PRUNE2: variants seen among roughly 807,000 people sequenced by gnomAD.
The protein encoded by PRUNE2 is prune homolog 2 with BCH domain.
PRUNE2 carries 164 observed loss-of-function variants against 252.0 expected under a neutral mutation model. The observed-to-expected ratio is 0.65, with a 90% CI of 0.57 to 0.74. The LOEUF (loss-of-function observed/expected upper bound fraction) is 0.74, where lower values mean the gene tolerates loss of function less well. PRUNE2 is among the 30% of genes least tolerant of loss of function. PRUNE2 has a pLI of 0.00. For synonymous variants in PRUNE2, 1,292 were observed against 1,350.2 expected, an observed-to-expected ratio of 0.96 and a Z score of 0.94; for missense variants, 3,495 against 3,711.0, an observed-to-expected ratio of 0.94 and a Z score of 1.51.
intron 6 of PRUNE2, among the ~76,000 whole-genome samples, chr9:76,745,049 C>G (rs1200178887): frequency 6.6e-6 from 1 of 151,438 alleles, no homozygotes; most frequent in Non-Finnish European, 1.5e-5. Flanking sequence ...TTACACTTTC[C>G]AGCAAAGAGG....
At chr9:76,630,728 G>A (rs1374377452) in intron 15 of PRUNE2, among the ~76,000 whole-genome samples, 1 of 152,140 alleles carries the variant, frequency 6.6e-6, no homozygotes, top group Non-Finnish European at 1.5e-5. Context: ...GGGTTTCACT[G>A]TGTTAGCCAG....
chr9:76,816,027 T>A (rs1318544501), intron 6 of PRUNE2, among the ~76,000 whole-genome samples: 7 of 151,972 alleles, frequency 4.6e-5, no homozygotes, highest in Non-Finnish European at 1.0e-4. Flanking sequence ...CTGGTCGTGG[T>A]GGCGGGCACC....
chr9:76,695,791 AC>A (rs1474605898), intron 9 of PRUNE2, among the ~76,000 whole-genome samples: 1 of 152,126 alleles, frequency 6.6e-6, no homozygotes, highest in African/African-American at 2.4e-5. Flanking sequence ...CAACAGGGGT[AC>A]CGTGATGAAC....
rs1304537878 is a variant in PRUNE2, at chr9:76,709,535, A to G, written c.2739T>C (p.Tyr913=). The G allele has an allele frequency of 9.3e-6, 15 of 1,613,890 alleles. No homozygotes were observed. In the East Asian group the frequency reaches 2.0e-4, roughly 22 times the overall value. ...LVDPKTRGKV[Y]EKVDSWNLFE... ...AAAGGTTCCAGGAATCTACCTTTTC[A>G]TATACCTTGCCCCTAGTTTTAGGAT... The change falls in exon 8 of 19, where the codon TAT becomes TAC. Residue 913 remains tyrosine (Y), a synonymous_variant. Transcript: ENST00000376718.
intron 6 of PRUNE2, among the ~76,000 whole-genome samples, chr9:76,774,450 C>CTTTTTTTATTTATTTATTTATT (rs1564272256): frequency 0.029 from 1,212 of 41,176 alleles, 33 homozygotes; most frequent in Non-Finnish European, 0.036. Flanking sequence ...CAGTTCAACC[C>CTTTTTTTATTTATTTATTTATT]TTTTTTTTTT....
intron 6 of PRUNE2, among the ~76,000 whole-genome samples, chr9:76,799,687 C>T (rs1472752746): frequency 6.6e-6 from 1 of 152,158 alleles, no homozygotes; most frequent in African/African-American, 2.4e-5. Context: ...AAAATTTCTG[C>T]TCCAACAAGA....
chr9:76,753,778 C>T (rs1359181443), intron 6 of PRUNE2, among the ~76,000 whole-genome samples: 5 of 152,108 alleles, frequency 3.3e-5, no homozygotes, highest in South Asian at 2.1e-4. Flanking sequence ...ATTAGCTGGG[C>T]GTGGTGGCGG....
rs2058374766 is a variant in PRUNE2 at position 76,826,874 on chromosome 9, T to C, written c.509-142A>G. ...GGACCAGAGTCCTCCACACGTAACA[T>C]TCAAGAGCCAATTTTTAGAAAACAA... On this transcript the variant is annotated intron_variant, in intron 4 of 18. Coordinates refer to ENST00000376718, the MANE Select transcript of PRUNE2 (RefSeq NM_015225.3). 15 of 604,888 alleles carry C rather than the reference T, an allele frequency of 2.5e-5. No homozygotes were observed. The South Asian group carries it at 3.5e-4, about 14-fold the overall frequency. The allele number at this position is 604,888 out of a possible 1,614,324, so 37.5% of individuals were successfully genotyped here.
chr9:76,743,920 G>T (rs1588971219), intron 6 of PRUNE2, among the ~76,000 whole-genome samples: 1 of 152,224 alleles, frequency 6.6e-6, no homozygotes, highest in Middle Eastern at 3.4e-3. Context: ...AAACAAGCTA[G>T]CATTCTTTTT....
At chr9:76,788,108 T>C (rs555387906) in intron 6 of PRUNE2, among the ~76,000 whole-genome samples, 11 of 152,346 alleles carry the variant, frequency 7.2e-5, no homozygotes, top group African/African-American at 1.7e-4. Context: ...CCTGGTTTTC[T>C]AATATTTGTC....
At position 76,713,610 on chromosome 9, in the gene PRUNE2, T is replaced by G. The variant is rs1400282198; in HGVS notation, c.868A>C (p.Arg290=). 67 of 1,607,068 alleles carry G rather than the reference T, an allele frequency of 4.2e-5. No individual in the cohort carries two copies. Among genetic ancestry groups the G allele is most frequent in the Non-Finnish European group, 5.4e-5 (64 of 1,176,894 alleles). The change falls in exon 7 of 19, where the codon AGA becomes CGA. Residue 290 remains arginine (R), a synonymous_variant. Coordinates refer to ENST00000376718, the MANE Select transcript of PRUNE2 (RefSeq NM_015225.3). ...SSYLSEEQQP[R]RQIAVYSENM... ...TCTGAGTACACAGCAATCTGTCGTC[T>G]CGGCTGCTGCTCCTCTGACAGATAG...
chr9:76,796,651 A>T (rs970131619), intron 6 of PRUNE2, among the ~76,000 whole-genome samples: 3 of 152,222 alleles, frequency 2.0e-5, no homozygotes, highest in Admixed American at 1.3e-4. Context: ...GTATGTGTCA[A>T]CTTGACTGCC....
At chr9:76,791,893 G>A (rs1464396441) in intron 6 of PRUNE2, among the ~76,000 whole-genome samples, 1 of 152,174 alleles carries the variant, frequency 6.6e-6, no homozygotes, top group African/African-American at 2.4e-5. Context: ...GTGAGGCCTT[G>A]GGAGAGATGC....
At chr9:76,684,926 A>G (rs2043911699) in intron 9 of PRUNE2, among the ~76,000 whole-genome samples, 1 of 152,018 alleles carries the variant, frequency 6.6e-6, no homozygotes, top group Non-Finnish European at 1.5e-5. Context: ...TAATTTTTCT[A>G]TTTTTAGTAG....
At chr9:76,714,289 G>T (rs571960) in intron 6 of PRUNE2, among the ~76,000 whole-genome samples, 74,711 of 151,364 alleles carry the variant, frequency 0.49, 20,242 homozygotes, top group Middle Eastern at 0.69. Context: ...GTGGAGGAAT[G>T]AATAATTGCA....
At chr9:76,846,089 G>A (rs1020646382) in intron 4 of PRUNE2, among the ~76,000 whole-genome samples, 6 of 152,154 alleles carry the variant, frequency 3.9e-5, no homozygotes, top group Admixed American at 1.3e-4. Context: ...TGAAGGGTAC[G>A]TATTTTGCCA....
At chr9:76,858,963 G>A (rs2060410399) in intron 1 of PRUNE2, among the ~76,000 whole-genome samples, 1 of 152,044 alleles carries the variant, frequency 6.6e-6, no homozygotes, top group Non-Finnish European at 1.5e-5. Flanking sequence ...CTCCTAGGTT[G>A]GAGGGACCCA....
intron 7 of PRUNE2, among the ~76,000 whole-genome samples, chr9:76,712,776 C>T (rs1341411969): frequency 6.6e-6 from 1 of 152,094 alleles, no homozygotes; most frequent in Non-Finnish European, 1.5e-5. Flanking sequence ...GGAGGAGATG[C>T]TCTTTCACAT....
intron 9 of PRUNE2, among the ~76,000 whole-genome samples, chr9:76,686,749 C>A (rs1176847913): frequency 6.6e-6 from 1 of 152,106 alleles, no homozygotes; most frequent in African/African-American, 2.4e-5. Context: ...TGCCACCATG[C>A]CCAGCTAAGT....
Sources: allele counts gnomAD v4.1 joint callset (sites outside exome capture counted in the v4.1 genomes callset), GRCh38; gene constraint gnomAD v4.1.1; transcripts MANE v1.5; gene names NCBI Gene and HGNC (gene_info 2026-07-23, HGNC 2026-07-21).